BACH2: variants seen among roughly 807,000 people sequenced by gnomAD.
BACH2 encodes BACH transcriptional regulator 2, also known as transcription regulator protein BACH2.
Under a neutral mutation model 61.8 loss-of-function variants are expected in BACH2, and 5 were observed. That is an observed-to-expected ratio of 0.08 (90% CI 0.04 to 0.17). The LOEUF is 0.17. Ranked by LOEUF, BACH2 falls within the 10% of genes least tolerant of loss-of-function variation. The pLI is 1.00. For missense variants in BACH2, 824 were observed against 1,091.1 expected, an observed-to-expected ratio of 0.76 and a Z score of 3.45; for synonymous variants, 446 against 440.1, an observed-to-expected ratio of 1.01 and a Z score of -0.17.
intron 3 of BACH2, among the ~76,000 whole-genome samples, chr6:90,246,113 A>G (rs1037325956): frequency 6.6e-5 from 10 of 152,244 alleles, no homozygotes; most frequent in African/African-American, 2.4e-4. Flanking sequence ...CTCAACCCAG[A>G]TTGGTGAGAG....
intron 3 of BACH2, among the ~76,000 whole-genome samples, chr6:90,218,592 A>C (rs1254032592): frequency 6.6e-6 from 1 of 151,502 alleles, no homozygotes; most frequent in Non-Finnish European, 1.5e-5. Flanking sequence ...TGCCTGAAGC[A>C]GGCCAAGTCT....
At chr6:90,159,531 C>G (rs530957207) in intron 4 of BACH2, among the ~76,000 whole-genome samples, 1 of 152,312 alleles carries the variant, frequency 6.6e-6, no homozygotes, top group African/African-American at 2.4e-5. Context: ...GGTCACTATA[C>G]ATATATTTTA....
intron 6 of BACH2, among the ~76,000 whole-genome samples, chr6:89,979,671 T>C (rs564351633): frequency 4.1e-4 from 63 of 152,312 alleles, no homozygotes; most frequent in African/African-American, 1.4e-3. Flanking sequence ...CTGTCTCTCA[T>C]TGATGATAAA....
intron 3 of BACH2, among the ~76,000 whole-genome samples, chr6:90,241,095 A>C (rs1770435654): frequency 6.7e-6 from 1 of 149,028 alleles, no homozygotes; most frequent in Non-Finnish European, 1.5e-5. Context: ...AGATCGCCCC[A>C]CTGCACTCCA....
chr6:90,105,177 T>C (rs1444173210), intron 4 of BACH2, among the ~76,000 whole-genome samples: 1 of 152,216 alleles, frequency 6.6e-6, no homozygotes, highest in African/African-American at 2.4e-5. Flanking sequence ...AAGCCCCATG[T>C]TGCATTCACT....
chr6:90,170,501 A>G (rs1189621825), intron 4 of BACH2, among the ~76,000 whole-genome samples: 3 of 152,246 alleles, frequency 2.0e-5, no homozygotes, highest in Non-Finnish European at 4.4e-5. Flanking sequence ...GTATTTGTTG[A>G]AAAGTCAGTA....
intron 3 of BACH2, among the ~76,000 whole-genome samples, chr6:90,209,267 T>A (rs2127850696): frequency 7.3e-6 from 1 of 137,678 alleles, no homozygotes; most frequent in African/African-American, 2.5e-5. Context: ...ACAACACAGA[T>A]CTTGGAATTC....
At chr6:90,134,239 G>T (rs1401946601) in intron 4 of BACH2, among the ~76,000 whole-genome samples, 1 of 152,182 alleles carries the variant, frequency 6.6e-6, no homozygotes, top group Non-Finnish European at 1.5e-5. Flanking sequence ...ATTCTAACTG[G>T]TGTGAGATGG....
rs1057202724 is a variant in BACH2 at position 90,089,299 on chromosome 6, C to A, written c.-161-190G>T. Among the ~76,000 whole-genome samples, 3 of 151,972 alleles carry A rather than the reference C, an allele frequency of 2.0e-5. No homozygotes were observed. The South Asian group carries it at 6.2e-4, about 31-fold the overall frequency. On this transcript the variant is annotated intron_variant, in intron 4 of 8. Coordinates refer to ENST00000257749, the MANE Select transcript of BACH2 (RefSeq NM_021813.4). The stretch of plus-strand genomic sequence containing the variant: ...AAGACACCATAGCCCGTGGTAGAAA[C>A]GCCTGGGCTCTGCCTACTAGAAGCC...
chr6:90,179,690 G>A (rs1300435550), intron 4 of BACH2, among the ~76,000 whole-genome samples: 4 of 152,082 alleles, frequency 2.6e-5, no homozygotes, highest in African/African-American at 9.7e-5. Flanking sequence ...AAGAAATAAT[G>A]CATGTGAATG....
At chr6:90,126,201 A>G (rs1173556276) in intron 4 of BACH2, among the ~76,000 whole-genome samples, 2 of 152,278 alleles carry the variant, frequency 1.3e-5, no homozygotes, top group African/African-American at 4.8e-5. Context: ...AACAGGTTCT[A>G]TGTAAACACA....
intron 5 of BACH2, among the ~76,000 whole-genome samples, chr6:90,067,866 G>C (rs1034620159): frequency 8.6e-5 from 13 of 152,018 alleles, no homozygotes; most frequent in Non-Finnish European, 1.9e-4. Flanking sequence ...ATTGTAGCTA[G>C]TCCCCAGAGT....
At chr6:90,223,529 C>T (rs774657727) in intron 3 of BACH2, among the ~76,000 whole-genome samples, 5 of 152,074 alleles carry the variant, frequency 3.3e-5, no homozygotes, top group East Asian at 1.9e-4. Context: ...AGTGCAGTGG[C>T]GTGATCTCAG....
intron 4 of BACH2, among the ~76,000 whole-genome samples, chr6:90,158,775 G>C (rs1785084021): frequency 6.9e-6 from 1 of 144,442 alleles, no homozygotes; most frequent in South Asian, 2.4e-4. Context: ...TGGGGGGGGG[G>C]CACTTACTCA....
At chr6:90,224,390 T>C (rs965713985) in intron 3 of BACH2, among the ~76,000 whole-genome samples, 1 of 152,186 alleles carries the variant, frequency 6.6e-6, no homozygotes, top group Non-Finnish European at 1.5e-5. Flanking sequence ...TGGCATGTCA[T>C]CAAGTGTGCT....
intron 8 of BACH2, 94 bp from the exon 9 acceptor site, chr6:89,932,984 C>T: frequency 7.4e-7 from 1 of 1,351,542 alleles, no homozygotes; most frequent in Non-Finnish European, 1.0e-6. Flanking sequence ...GTTTTGCATC[C>T]TCCATTATAA....
rs1204154176 is a variant in BACH2, at chr6:89,938,231, C to T, written c.1956G>A (p.Arg652=). The T allele has an allele frequency of 1.9e-6, 3 of 1,614,242 alleles. No individual in the cohort carries two copies. The highest frequency in any genetic ancestry group is 1.1e-5 in the South Asian group (1 of 91,088). The change falls in exon 8 of 9, where the codon CGG becomes CGA. Residue 652 remains arginine, a synonymous_variant. Transcript: ENST00000257749. ...EQLEFIHDVR[R]RSKNRIAAQR... ...GGGCCGCGATGCGGTTCTTGCTGCG[C>T]CGTCGGACATCATGAATAAACTCTA...
At chr6:90,116,950 T>C (rs910342424) in intron 4 of BACH2, 7 of 398,928 alleles carry the variant, frequency 1.8e-5, no homozygotes, top group Non-Finnish European at 3.3e-5. Context: ...CAGCTTCAAC[T>C]TCCCTCTGTG....
At chr6:90,117,965 C>G (rs1169854388) in intron 4 of BACH2, among the ~76,000 whole-genome samples, 3 of 152,060 alleles carry the variant, frequency 2.0e-5, no homozygotes, top group Admixed American at 6.6e-5. Flanking sequence ...CTACTTCATC[C>G]CATATTAACA....
Sources: allele counts gnomAD v4.1 joint callset (sites outside exome capture counted in the v4.1 genomes callset), GRCh38; gene constraint gnomAD v4.1.1; transcripts MANE v1.5; gene names NCBI Gene and HGNC (gene_info 2026-07-23, HGNC 2026-07-21).